Variants in RAB38 observed in about 807,000 individuals in gnomAD.
The protein encoded by RAB38 is ras-related protein Rab-38.
Under a neutral mutation model 18.4 loss-of-function variants are expected in RAB38, and 15 were observed. That is an observed-to-expected ratio of 0.82 (90% CI 0.55 to 1.26). The LOEUF is 1.26. RAB38 is among the 50% of genes most tolerant of loss of function. The pLI is 0.00. For missense variants in RAB38, 294 were observed against 267.4 expected (o/e 1.10, Z -0.69); for synonymous variants, 101 against 104.4 (o/e 0.97, Z 0.20).
chr11:87,903,292 A>AT, the RAB38 span, among the ~76,000 whole-genome samples: 1 of 151,254 alleles, frequency 6.6e-6, no homozygotes, highest in Non-Finnish European at 1.5e-5. Context: ...ATAAATACAA[A>AT]TTTTTTTCTT....
the RAB38 span, among the ~76,000 whole-genome samples, chr11:88,047,441 A>G: frequency 1.3e-5 from 2 of 152,138 alleles, no homozygotes; most frequent in Non-Finnish European, 2.9e-5. Flanking sequence ...TATCTTCCAC[A>G]TCTATCATTG....
chr11:87,850,622 A>G, the RAB38 span, among the ~76,000 whole-genome samples: 1 of 151,852 alleles, frequency 6.6e-6, no homozygotes, highest in Non-Finnish European at 1.5e-5. Flanking sequence ...TCGGCACAAT[A>G]TCTATACCTT....
the RAB38 span, among the ~76,000 whole-genome samples, chr11:88,104,420 T>G: frequency 6.6e-6 from 1 of 152,136 alleles, no homozygotes; most frequent in Non-Finnish European, 1.5e-5. Context: ...TATGGTCAGA[T>G]AGAGGCAGAT....
At chr11:88,123,552 T>C (rs555363026) in intron 2 of RAB38, among the ~76,000 whole-genome samples, 1 of 152,224 alleles carries the variant, frequency 6.6e-6, no homozygotes, top group Non-Finnish European at 1.5e-5. Context: ...GAAGGAAGAC[T>C]GAAGAAACCA....
intron 2 of RAB38, among the ~76,000 whole-genome samples, chr11:88,136,817 G>A (rs1942841787): frequency 6.6e-6 from 1 of 152,150 alleles, no homozygotes; most frequent in African/African-American, 2.4e-5. Flanking sequence ...TGAAATCAGG[G>A]AGACTGGTTG....
At chr11:88,072,346 T>C in the RAB38 span, among the ~76,000 whole-genome samples, 5 of 152,140 alleles carry the variant, frequency 3.3e-5, no homozygotes, top group African/African-American at 1.2e-4. Flanking sequence ...GATAGTTTTC[T>C]AATCTGAAAC....
At chr11:88,165,078 G>A (rs7113064) in intron 1 of RAB38, among the ~76,000 whole-genome samples, 37,950 of 151,842 alleles carry the variant, frequency 0.25, 4,787 homozygotes, top group Admixed American at 0.27. Flanking sequence ...CAATAATTAG[G>A]TCTATCCAAA....
At chr11:88,105,545 T>C in the RAB38 span, among the ~76,000 whole-genome samples, 2 of 152,134 alleles carry the variant, frequency 1.3e-5, no homozygotes, top group Non-Finnish European at 2.9e-5. Flanking sequence ...AACTAAGAGA[T>C]TCAGATGGGA....
At chr11:88,024,483 C>T in the RAB38 span, among the ~76,000 whole-genome samples, 1 of 152,146 alleles carries the variant, frequency 6.6e-6, no homozygotes, top group Admixed American at 6.5e-5. Flanking sequence ...AGAGGTTCCT[C>T]ATAAAACTGA....
the RAB38 span, among the ~76,000 whole-genome samples, chr11:87,887,002 GAT>G: frequency 1.3e-5 from 2 of 151,904 alleles, no homozygotes; most frequent in Non-Finnish European, 2.9e-5. Context: ...AAATGAGACT[GAT>G]ATATTCGGCC....
chr11:87,816,633 A>G, the RAB38 span: 1 of 152,016 alleles, frequency 6.6e-6, no homozygotes, highest in Non-Finnish European at 1.5e-5. Flanking sequence ...CTCTCTCTAT[A>G]TATATCATTC....
the RAB38 span, among the ~76,000 whole-genome samples, chr11:87,886,824 G>GTTTTTTTTTTT: frequency 8.6e-5 from 12 of 139,024 alleles, no homozygotes; most frequent in Non-Finnish European, 1.1e-4. Flanking sequence ...TGAAGCACTT[G>GTTTTTTTTTTT]TTTTTTTTTT....
At chr11:88,160,091 C>T (rs969608110) in intron 1 of RAB38, among the ~76,000 whole-genome samples, 1 of 151,974 alleles carries the variant, frequency 6.6e-6, no homozygotes, top group African/African-American at 2.4e-5. Flanking sequence ...CAACAAATGT[C>T]TACTATCCAG....
chr11:88,154,956 C>T (rs527258037), intron 1 of RAB38, among the ~76,000 whole-genome samples: 53 of 152,302 alleles, frequency 3.5e-4, no homozygotes, highest in African/African-American at 1.2e-3. Flanking sequence ...GCAGAGATTG[C>T]GGTGCAAGGA....
the RAB38 span, among the ~76,000 whole-genome samples, chr11:88,067,973 ATATATATACT>A: frequency 1.0e-5 from 1 of 96,818 alleles, no homozygotes; most frequent in Admixed American, 9.8e-5. Context: ...ATATATACAC[ATATATATACT>A]TATATATATA....
chr11:87,846,645 C>T, the RAB38 span, among the ~76,000 whole-genome samples: 38 of 151,832 alleles, frequency 2.5e-4, no homozygotes, highest in Admixed American at 3.9e-4. Flanking sequence ...ACCAATGAGA[C>T]AAAAAGTCAG....
At chr11:88,131,095 A>G (rs189255012) in intron 2 of RAB38, among the ~76,000 whole-genome samples, 1 of 152,212 alleles carries the variant, frequency 6.6e-6, no homozygotes, top group Non-Finnish European at 1.5e-5. Context: ...ATTATTTAAA[A>G]TAGTAAAAAC....
chr11:87,957,160 C>T, the RAB38 span, among the ~76,000 whole-genome samples: 1 of 152,120 alleles, frequency 6.6e-6, no homozygotes, highest in Admixed American at 6.6e-5. Context: ...TTGATTCCCC[C>T]TTTGTCCCTT....
chr11:87,840,161 A>G, the RAB38 span, among the ~76,000 whole-genome samples: 1 of 152,230 alleles, frequency 6.6e-6, no homozygotes, highest in Non-Finnish European at 1.5e-5. Flanking sequence ...AGGGAAGAGA[A>G]GTGATAACAA....
Sources: allele counts gnomAD v4.1 joint callset (sites outside exome capture counted in the v4.1 genomes callset), GRCh38; gene constraint gnomAD v4.1.1; transcripts MANE v1.5; gene names NCBI Gene and HGNC (gene_info 2026-07-23, HGNC 2026-07-21).